Variants in RILPL1 observed in about 807,000 individuals in gnomAD.
RILPL1 encodes RILP-like protein 1.
Under a neutral mutation model 50.3 loss-of-function variants are expected in RILPL1, and 33 were observed. The ratio of observed to expected loss-of-function variants is 0.66; its 90% confidence interval spans 0.50 to 0.88. RILPL1 has a LOEUF of 0.88. Ranked by LOEUF, RILPL1 falls within the 40% of genes least tolerant of loss-of-function variation. The probability of loss-of-function intolerance (pLI) is 0.00; values close to 1 mark genes in which losing one functional copy is unlikely to be tolerated. For synonymous variants in RILPL1, 205 were observed against 228.6 expected, an observed-to-expected ratio of 0.90 and a Z score of 0.93; for missense variants, 418 against 542.5, an observed-to-expected ratio of 0.77 and a Z score of 2.28.
intron 2 of RILPL1, among the ~76,000 whole-genome samples, chr12:123,512,136 G>A (rs1054864048): frequency 1.4e-5 from 2 of 144,992 alleles, no homozygotes; most frequent in African/African-American, 2.6e-5. Context: ...TGTGTGGTGT[G>A]TGTGAGGTCT....
At chr12:123,483,952 C>T (rs896212084) in intron 6 of RILPL1, among the ~76,000 whole-genome samples, 1 of 152,220 alleles carries the variant, frequency 6.6e-6, no homozygotes, top group East Asian at 1.9e-4. Context: ...CCAAGCCTCT[C>T]CCCTCTCGCC....
chr12:123,481,321 T>G (rs1453557834), intron 6 of RILPL1, among the ~76,000 whole-genome samples: 3 of 148,292 alleles, frequency 2.0e-5, no homozygotes, highest in African/African-American at 7.5e-5. Context: ...ATTGTGCCAC[T>G]GCACTCCAGC....
At chr12:123,525,750 G>A (rs1885229572) in intron 1 of RILPL1, among the ~76,000 whole-genome samples, 1 of 146,984 alleles carries the variant, frequency 6.8e-6, no homozygotes, top group African/African-American at 2.5e-5. Context: ...TTGCTATGTT[G>A]CCCAGGCTTG....
chr12:123,478,247 C>A (rs796667963), intron 6 of RILPL1, among the ~76,000 whole-genome samples: 25 of 152,016 alleles, frequency 1.6e-4, no homozygotes, highest in African/African-American at 4.8e-4. Flanking sequence ...GCGATCCCCC[C>A]ACCTCGGCCT....
At chr12:123,488,529 C>G (rs1284898872) in intron 4 of RILPL1, among the ~76,000 whole-genome samples, 1 of 152,048 alleles carries the variant, frequency 6.6e-6, no homozygotes, top group Admixed American at 6.5e-5. Context: ...CCTGAATGTG[C>G]CCTGGACAGG....
intron 1 of RILPL1, among the ~76,000 whole-genome samples, chr12:123,528,756 G>A (rs1885350530): frequency 6.6e-6 from 1 of 152,094 alleles, no homozygotes; most frequent in Non-Finnish European, 1.5e-5. Flanking sequence ...AGCAGCCACA[G>A]GGAATGAATA....
At chr12:123,526,518 T>A (rs889300209) in intron 1 of RILPL1, among the ~76,000 whole-genome samples, 3 of 152,028 alleles carry the variant, frequency 2.0e-5, no homozygotes, top group African/African-American at 7.2e-5. Flanking sequence ...ATGGTTACTA[T>A]AAGTAAAGCG....
intron 2 of RILPL1, among the ~76,000 whole-genome samples, chr12:123,511,852 T>C (rs1884280302): frequency 7.9e-6 from 1 of 126,230 alleles, no homozygotes; most frequent in Non-Finnish European, 1.6e-5. Context: ...GTGAGGTCTG[T>C]GTCTGTGTGT....
intron 1 of RILPL1, among the ~76,000 whole-genome samples, chr12:123,532,423 A>G (rs949885012): frequency 6.6e-6 from 1 of 151,996 alleles, no homozygotes; most frequent in Non-Finnish European, 1.5e-5. Context: ...CCCCAATTCA[A>G]ACAGGGTGGG....
At chr12:123,492,795 A>G (rs1882780628) in intron 4 of RILPL1, among the ~76,000 whole-genome samples, 1 of 152,184 alleles carries the variant, frequency 6.6e-6, no homozygotes, top group South Asian at 2.1e-4. Flanking sequence ...TCTCTGAAAC[A>G]TGTGCTGTGT....
At chr12:123,523,463 GC>G in intron 2 of RILPL1, 31 bp downstream of exon 2, 1 of 1,613,032 alleles carries the variant, frequency 6.2e-7, no homozygotes, top group Non-Finnish European at 8.5e-7. Flanking sequence ...GGAATGGCCG[GC>G]CCCCTTGCAT....
chr12:123,507,953 G>GAAAAAAAAAAAAAAAAAAAAAAAAAA, intron 2 of RILPL1, among the ~76,000 whole-genome samples: 1 of 115,012 alleles, frequency 8.7e-6, no homozygotes, highest in Non-Finnish European at 1.8e-5. Context: ...AAAAAAAAAA[G>GAAAAAAAAAAAAAAAAAAAAAAAAAA]AAAAAAAAAA....
intron 2 of RILPL1, among the ~76,000 whole-genome samples, chr12:123,521,659 ATGTATATATATAAATAT>A (rs1885049070): frequency 8.3e-5 from 1 of 12,116 alleles, no homozygotes; most frequent in African/African-American, 1.8e-4. Flanking sequence ...ATACACATAT[ATGTATATATATAAATAT>A]ATATATATAC....
Position 123,472,637 on chromosome 12 carries a change from C to T in RILPL1, c.1113G>A (p.Gln371=), listed in dbSNP as rs1342114516. Residue 371 remains glutamine, a synonymous_variant, in exon 7 of 7, where the codon CAG becomes CAA. Transcript: ENST00000376874. ...SRDKKRLANT[Q]RNVHIQESFG... ...AGGACTCCTGGATGTGCACGTTTCTCTGTGTGTTGGCCAGGCGCTTCTTAT... is the reference window on the plus strand; with the variant it reads ...AGGACTCCTGGATGTGCACGTTTCTTTGTGTGTTGGCCAGGCGCTTCTTAT... The T allele has an allele frequency of 1.9e-6, 3 of 1,596,216 alleles. No individual in the cohort carries two copies. The highest frequency in any genetic ancestry group is 2.6e-6 in the Non-Finnish European group (3 of 1,171,390).
intron 6 of RILPL1, chr12:123,473,843 GAA>G (rs71088917): frequency 4.1e-5 from 6 of 146,734 alleles, no homozygotes; most frequent in Non-Finnish European, 7.5e-5. Flanking sequence ...AAAAACAAAA[GAA>G]AAAAAAAAGT....
At chr12:123,531,407 G>A (rs368883758) in intron 1 of RILPL1, among the ~76,000 whole-genome samples, 1 of 152,262 alleles carries the variant, frequency 6.6e-6, no homozygotes, top group East Asian at 1.9e-4. Context: ...CCCCAGTTGG[G>A]GGACAGTATA....
chr12:123,499,579 C>T, intron 2 of RILPL1, 43 bp from the exon 3 acceptor site: 2 of 1,441,166 alleles, frequency 1.4e-6, no homozygotes, highest in East Asian at 4.5e-5. Context: ...CGCCTTACTC[C>T]TATGTTGAAA....
chr12:123,524,479 T>G (rs961278883), intron 1 of RILPL1, among the ~76,000 whole-genome samples: 1 of 152,080 alleles, frequency 6.6e-6, no homozygotes, highest in African/African-American at 2.4e-5. Context: ...TGAAAACGCG[T>G]GCAGGTGAAT....
chr12:123,526,178 C>T (rs1885249734), intron 1 of RILPL1, among the ~76,000 whole-genome samples: 1 of 151,932 alleles, frequency 6.6e-6, no homozygotes, highest in Non-Finnish European at 1.5e-5. Flanking sequence ...TGGTGGTGGG[C>T]ACCTGTAATC....
Sources: allele counts gnomAD v4.1 joint callset (sites outside exome capture counted in the v4.1 genomes callset), GRCh38; gene constraint gnomAD v4.1.1; transcripts MANE v1.5; gene names NCBI Gene and HGNC (gene_info 2026-07-23, HGNC 2026-07-21).